Variants in TRIM71 observed in about 807,000 individuals in gnomAD.
TRIM71 encodes E3 ubiquitin-protein ligase TRIM71.
In TRIM71, 9 loss-of-function variants were observed where a neutral mutation model predicts 61.2. The observed-to-expected ratio is 0.15, with a 90% confidence interval of 0.09 to 0.26. The LOEUF (loss-of-function observed/expected upper bound fraction) is 0.26, where lower values mean the gene tolerates loss of function less well. Ranked by LOEUF, TRIM71 falls within the 10% of genes least tolerant of loss-of-function variation. The pLI, the probability that TRIM71 is intolerant of heterozygous loss-of-function variation, is 1.00. For synonymous variants in TRIM71, 645 were observed against 553.2 expected, an observed-to-expected ratio of 1.17 and a Z score of -2.33; for missense variants, 998 against 1,238.7, an observed-to-expected ratio of 0.81 and a Z score of 2.92.
chr3:32,841,618 A>G (rs571819450), intron 1 of TRIM71, among the ~76,000 whole-genome samples: 1 of 152,160 alleles, frequency 6.6e-6, no homozygotes, highest in South Asian at 2.1e-4. Flanking sequence ...CCCACCGCCA[A>G]CCCCCACCCC....
chr3:32,827,525 T>C (rs1488350593), intron 1 of TRIM71, among the ~76,000 whole-genome samples: 3 of 152,078 alleles, frequency 2.0e-5, no homozygotes, highest in Non-Finnish European at 4.4e-5. Context: ...CCTCCCAAAG[T>C]GCTGGGATTA....
At chr3:32,839,661 T>TGGG (rs60098058) in intron 1 of TRIM71, among the ~76,000 whole-genome samples, 6 of 78,496 alleles carry the variant, frequency 7.6e-5, no homozygotes, top group Non-Finnish European at 1.3e-4. Context: ...GAGCTTTTTT[T>TGGG]GGGGGGGGGG....
chr3:32,838,192 T>C (rs947632527), intron 1 of TRIM71, among the ~76,000 whole-genome samples: 1 of 152,132 alleles, frequency 6.6e-6, no homozygotes, highest in African/African-American at 2.4e-5. Flanking sequence ...AAGTACTAAA[T>C]TATTTTGGAT....
At chr3:32,825,997 G>T (rs1696195991) in intron 1 of TRIM71, among the ~76,000 whole-genome samples, 1 of 152,176 alleles carries the variant, frequency 6.6e-6, no homozygotes, top group Non-Finnish European at 1.5e-5. Flanking sequence ...AGGGGGCCTA[G>T]TGGTGTCCCT....
intron 1 of TRIM71, among the ~76,000 whole-genome samples, chr3:32,839,841 G>A (rs1696383542): frequency 6.6e-6 from 1 of 152,158 alleles, no homozygotes; most frequent in South Asian, 2.1e-4. Flanking sequence ...GAAGAGGGTA[G>A]AAGAGCCACT....
At chr3:32,853,120 C>CTTTTTTTTT (rs57169750) in intron 1 of TRIM71, among the ~76,000 whole-genome samples, 2 of 97,168 alleles carry the variant, frequency 2.1e-5, no homozygotes, top group East Asian at 1.3e-3. Context: ...CTCTCTCTCT[C>CTTTTTTTTT]TTTTTTTTTT....
chr3:32,883,589 T>C (rs887877867), intron 2 of TRIM71, among the ~76,000 whole-genome samples: 2 of 152,238 alleles, frequency 1.3e-5, no homozygotes, highest in African/African-American at 4.8e-5. Context: ...CTTAATCTAC[T>C]ATAACCTCAT....
chr3:32,833,323 C>T (rs1696296668), intron 1 of TRIM71, among the ~76,000 whole-genome samples: 1 of 149,852 alleles, frequency 6.7e-6, no homozygotes, highest in Non-Finnish European at 1.5e-5. Context: ...ACTGGAATTT[C>T]TATGAAAACT....
intron 1 of TRIM71, among the ~76,000 whole-genome samples, chr3:32,856,976 T>C (rs1484571210): frequency 6.6e-6 from 1 of 152,116 alleles, no homozygotes; most frequent in Non-Finnish European, 1.5e-5. Context: ...GTGAGCCAGC[T>C]TATCCAAAAT....
chr3:32,879,812 A>G (rs1696888463), intron 2 of TRIM71, among the ~76,000 whole-genome samples: 1 of 151,844 alleles, frequency 6.6e-6, no homozygotes. Flanking sequence ...GTCTCTACAA[A>G]AAATGAAGAA....
intron 2 of TRIM71, 57 bp from the exon 3 acceptor site, chr3:32,885,877 G>A (rs1696956044): frequency 4.5e-6 from 7 of 1,572,760 alleles, no homozygotes; most frequent in Non-Finnish European, 6.0e-6. Flanking sequence ...CAAATGTTTT[G>A]TATAAGGAAT....
At chr3:32,821,220 C>A (rs1696123123) in intron 1 of TRIM71, among the ~76,000 whole-genome samples, 1 of 152,140 alleles carries the variant, frequency 6.6e-6, no homozygotes, top group African/African-American at 2.4e-5. Flanking sequence ...ATAGACTGAC[C>A]CATATCTGGA....
intron 2 of TRIM71, among the ~76,000 whole-genome samples, chr3:32,882,026 G>T (rs921172344): frequency 1.3e-5 from 2 of 152,222 alleles, no homozygotes; most frequent in Non-Finnish European, 2.9e-5. Context: ...CATAAAATGT[G>T]AGTTCCAGAC....
rs1313388909 is a variant in TRIM71, at chr3:32,897,309, G to T, written c.*5498G>T. 2 of 151,994 alleles carry T rather than the reference G, an allele frequency of 1.3e-5. No homozygotes were observed. The highest frequency in any genetic ancestry group is 2.9e-5 in the Non-Finnish European group (2 of 68,008). The allele number at this position is 151,994 out of a possible 1,614,324, so 9.4% of individuals were successfully genotyped here. On this transcript the variant is annotated 3_prime_UTR_variant, in exon 4 of 4. Coordinates refer to ENST00000383763, the MANE Select transcript of TRIM71 (RefSeq NM_001039111.3). ...TTGTCCAAGGCAGACATGATATAAG[G>T]AATATGCACTACCGTAGTAACTCCC...
At chr3:32,866,705 TG>T (rs372829970) in intron 1 of TRIM71, among the ~76,000 whole-genome samples, 21 of 152,114 alleles carry the variant, frequency 1.4e-4, no homozygotes, top group Middle Eastern at 3.4e-3. Context: ...TGTGTGATTG[TG>T]GGGCCTGGTC....
intron 1 of TRIM71, among the ~76,000 whole-genome samples, chr3:32,862,744 C>T (rs934154566): frequency 6.6e-6 from 1 of 152,162 alleles, no homozygotes; most frequent in Non-Finnish European, 1.5e-5. Flanking sequence ...TTATTTGCTG[C>T]TGGAAGCTGC....
intron 1 of TRIM71, among the ~76,000 whole-genome samples, chr3:32,860,478 G>A (rs1696655130): frequency 6.6e-6 from 1 of 151,986 alleles, no homozygotes; most frequent in Admixed American, 6.6e-5. Context: ...CTTTAAAAAG[G>A]CCTTTAAATT....
chr3:32,824,056 C>CAA (rs1553643095), intron 1 of TRIM71, among the ~76,000 whole-genome samples: 2 of 152,110 alleles, frequency 1.3e-5, no homozygotes, highest in Non-Finnish European at 2.9e-5. Context: ...ACCTGGGCAA[C>CAA]AGTGAGACTT....
intron 1 of TRIM71, among the ~76,000 whole-genome samples, chr3:32,856,444 A>T (rs1197237891): frequency 2.0e-5 from 3 of 151,364 alleles, no homozygotes; most frequent in African/African-American, 7.3e-5. Flanking sequence ...GGCCTTATTC[A>T]GTTGTCCCTT....
Sources: gnomAD v4.1 joint callset for allele counts (sites outside exome capture counted in the v4.1 genomes callset) on GRCh38, gnomAD v4.1.1 for gene constraint, MANE v1.5 for transcripts, NCBI Gene and HGNC (gene_info 2026-07-23, HGNC 2026-07-21) for gene names.